NPSR1: variants seen among roughly 807,000 people sequenced by gnomAD.
NPSR1 encodes neuropeptide S receptor.
NPSR1 carries 48 observed loss-of-function variants against 46.9 expected under a neutral mutation model. The observed-to-expected ratio is 1.02, with a 90% CI of 0.81 to 1.30. The LOEUF is 1.30. Ranked by LOEUF, NPSR1 falls within the 50% of genes most tolerant of loss-of-function variation. NPSR1 has a pLI of 0.00. For synonymous variants in NPSR1, 176 were observed against 168.1 expected, an observed-to-expected ratio of 1.05 and a Z score of -0.36; for missense variants, 450 against 449.5, an observed-to-expected ratio of 1.00 and a Z score of -0.01.
chr7:34,710,054 G>A (rs1289076904), intron 2 of NPSR1, among the ~76,000 whole-genome samples: 1 of 152,198 alleles, frequency 6.6e-6, no homozygotes, highest in East Asian at 1.9e-4. Flanking sequence ...TTTTGGTGCT[G>A]CAAGCACCTG....
At chr7:34,716,260 G>T (rs1419792) in intron 2 of NPSR1, among the ~76,000 whole-genome samples, 1 of 152,070 alleles carries the variant, frequency 6.6e-6, no homozygotes, top group Non-Finnish European at 1.5e-5. Flanking sequence ...TCCAAAAGAG[G>T]AAATGGACAG....
intron 2 of NPSR1, among the ~76,000 whole-genome samples, chr7:34,746,589 C>A (rs1342793363): frequency 6.6e-6 from 1 of 152,190 alleles, no homozygotes; most frequent in Non-Finnish European, 1.5e-5. Context: ...ACCAAGTGTT[C>A]TCCCTCCACC....
intron 1 of NPSR1, among the ~76,000 whole-genome samples, chr7:34,671,570 A>C (rs1437258476): frequency 6.6e-6 from 1 of 152,116 alleles, no homozygotes; most frequent in Non-Finnish European, 1.5e-5. Context: ...GCCAATGAAA[A>C]CCAAGGCAGA....
chr7:34,793,855 G>A (rs1301581627), intron 3 of NPSR1, among the ~76,000 whole-genome samples: 4 of 151,700 alleles, frequency 2.6e-5, no homozygotes, highest in Non-Finnish European at 4.4e-5. Context: ...TAAAAATCTT[G>A]GTATATACAT....
In NPSR1 at chr7:34,752,924, A is replaced by C. The variant is rs139602932; in HGVS notation, c.281-25538A>C. On this transcript the variant is annotated intron_variant, in intron 2 of 8. Transcript: ENST00000360581. The stretch of plus-strand genomic sequence containing the variant: ...GCTTCCTTCCCAGAAGATTTTGCCA[A>C]TCATCCCTCTTTTGGACAAATATCG... 1.7e-3 allele frequency among the ~76,000 whole-genome samples: 254 copies of C among 152,264 alleles called. 2 individuals carry two copies. The highest frequency in any genetic ancestry group is 3.4e-3 in the Middle Eastern group (1 of 292).
At chr7:34,859,638 A>G (rs2128767610) in intron 8 of NPSR1, among the ~76,000 whole-genome samples, 2 of 151,884 alleles carry the variant, frequency 1.3e-5, no homozygotes, top group East Asian at 1.9e-4. Flanking sequence ...CTCAAACATC[A>G]TCATAACTAT....
chr7:34,783,180 T>A (rs144485255), intron 3 of NPSR1, among the ~76,000 whole-genome samples: 1 of 152,286 alleles, frequency 6.6e-6, no homozygotes, highest in African/African-American at 2.4e-5. Context: ...TAGTCCATTC[T>A]CATACTGCTA....
At chr7:34,833,963 G>C (rs574733815) in intron 5 of NPSR1, among the ~76,000 whole-genome samples, 18 of 152,278 alleles carry the variant, frequency 1.2e-4, no homozygotes, top group African/African-American at 4.1e-4. Flanking sequence ...CACACTAAAG[G>C]GGTGAGGATC....
intron 6 of NPSR1, among the ~76,000 whole-genome samples, chr7:34,838,175 C>T (rs1790439653): frequency 6.6e-6 from 1 of 152,104 alleles, no homozygotes; most frequent in Non-Finnish European, 1.5e-5. Flanking sequence ...TCCAAAGTTC[C>T]CATGTCTCCT....
chr7:34,774,958 C>T (rs1342616392), intron 2 of NPSR1, among the ~76,000 whole-genome samples: 2 of 152,160 alleles, frequency 1.3e-5, no homozygotes, highest in Non-Finnish European at 2.9e-5. Flanking sequence ...AGCAATTTAA[C>T]TTTTACTTGA....
chr7:34,734,247 G>T (rs1383399450), intron 2 of NPSR1, among the ~76,000 whole-genome samples: 1 of 152,174 alleles, frequency 6.6e-6, no homozygotes, highest in African/African-American at 2.4e-5. Flanking sequence ...CAGATAAATT[G>T]TATTTAAGAG....
intron 2 of NPSR1, among the ~76,000 whole-genome samples, chr7:34,777,212 T>C (rs560397804): frequency 6.6e-6 from 1 of 152,238 alleles, no homozygotes; most frequent in African/African-American, 2.4e-5. Context: ...CCTAGAGCAC[T>C]TTAGCTTGCA....
At chr7:34,826,289 T>C (rs1789833032) in intron 4 of NPSR1, among the ~76,000 whole-genome samples, 1 of 152,196 alleles carries the variant, frequency 6.6e-6, no homozygotes, top group Non-Finnish European at 1.5e-5. Flanking sequence ...GTGCATACAA[T>C]TCAGGAAGAA....
intron 6 of NPSR1, among the ~76,000 whole-genome samples, chr7:34,841,543 GC>G (rs1298842112): frequency 4.6e-5 from 7 of 152,226 alleles, no homozygotes; most frequent in African/African-American, 1.7e-4. Flanking sequence ...TTTCACTGCA[GC>G]TCAGCACCAA....
At chr7:34,767,750 T>G (rs1033252903) in intron 2 of NPSR1, among the ~76,000 whole-genome samples, 1 of 152,104 alleles carries the variant, frequency 6.6e-6, no homozygotes, top group Admixed American at 6.5e-5. Context: ...CATCAAATCA[T>G]AGATCCAAAA....
rs1300825583 is a variant in NPSR1, at chr7:34,684,701, G to A, written c.280+17G>A. ...CCATCACAGGTAAGTAACTATGCAAGTGAGAGGCAGGAAGCTATATGTGAA... is the reference window on the plus strand; with the variant it reads ...CCATCACAGGTAAGTAACTATGCAAATGAGAGGCAGGAAGCTATATGTGAA... On this transcript the variant is annotated intron_variant, in intron 2 of 8. Coordinates refer to ENST00000360581, the MANE Select transcript of NPSR1 (RefSeq NM_207172.2). 1 of 1,592,436 alleles carries A rather than the reference G, an allele frequency of 6.3e-7. No individual in the cohort carries two copies. The highest frequency in any genetic ancestry group is 8.5e-7 in the Non-Finnish European group (1 of 1,169,818).
intron 2 of NPSR1, among the ~76,000 whole-genome samples, chr7:34,771,675 CAAT>C (rs1228521133): frequency 6.6e-6 from 1 of 152,104 alleles, no homozygotes; most frequent in Non-Finnish European, 1.5e-5. Flanking sequence ...TAAATGAAAA[CAAT>C]AAAAGGCAGT....
At chr7:34,844,390 A>G (rs1388834642) in intron 6 of NPSR1, among the ~76,000 whole-genome samples, 1 of 151,928 alleles carries the variant, frequency 6.6e-6, no homozygotes, top group Non-Finnish European at 1.5e-5. Flanking sequence ...CCAAGCTCCT[A>G]TTTTGGAGAG....
chr7:34,746,414 A>C (rs1011202466), intron 2 of NPSR1, among the ~76,000 whole-genome samples: 2 of 152,124 alleles, frequency 1.3e-5, no homozygotes, highest in Non-Finnish European at 2.9e-5. Context: ...ATTGTTGTTC[A>C]TTTCTTTATG....
Sources: allele counts gnomAD v4.1 joint callset (sites outside exome capture counted in the v4.1 genomes callset), GRCh38; gene constraint gnomAD v4.1.1; transcripts MANE v1.5; gene names NCBI Gene and HGNC (gene_info 2026-07-23, HGNC 2026-07-21).